Variants in KATNAL2 observed in about 807,000 individuals in gnomAD.
The protein encoded by KATNAL2 is katanin p60 ATPase-containing subunit A-like 2.
KATNAL2 carries 52 observed loss-of-function variants against 76.3 expected under a neutral mutation model. The observed-to-expected ratio is 0.68, with a 90% CI of 0.55 to 0.86. The LOEUF (loss-of-function observed/expected upper bound fraction) is 0.86. Among genes scored for constraint, KATNAL2 ranks in the 40% least tolerant of loss-of-function variants. The pLI is 0.00. For missense variants in KATNAL2, 660 were observed against 668.9 expected, an observed-to-expected ratio of 0.99 and a Z score of 0.15; for synonymous variants, 243 against 244.2, an observed-to-expected ratio of 1.00 and a Z score of 0.05.
chr18:46,932,869 A>C (rs375234684), intron 1 of KATNAL2, among the ~76,000 whole-genome samples: 1 of 151,520 alleles, frequency 6.6e-6, no homozygotes, highest in East Asian at 2.0e-4. Flanking sequence ...GGTTCAAGCG[A>C]TTCTCCTGCC....
intron 15 of KATNAL2, among the ~76,000 whole-genome samples, chr18:47,092,381 C>G (rs537893337): frequency 6.6e-6 from 1 of 152,246 alleles, no homozygotes; most frequent in South Asian, 2.1e-4. Context: ...CGCCTGTAAT[C>G]CCAGCTACTC....
At chr18:47,099,498 G>GGATCTTATTCTAAGTGTCTCA in intron 16 of KATNAL2, 93 bp downstream of exon 16, 1 of 1,230,880 alleles carries the variant, frequency 8.1e-7, no homozygotes, top group Non-Finnish European at 1.1e-6. Flanking sequence ...ATAGAAGCTT[G>GGATCTTATTCTAAGTGTCTCA]AGACACTTAG....
At chr18:47,046,791 A>T (rs2061171611) in intron 4 of KATNAL2, among the ~76,000 whole-genome samples, 1 of 152,132 alleles carries the variant, frequency 6.6e-6, no homozygotes, top group Admixed American at 6.5e-5. Context: ...ACATTAGGGT[A>T]TACTCTTTGT....
chr18:47,032,338 C>A (rs1224293166), intron 3 of KATNAL2, among the ~76,000 whole-genome samples: 1 of 152,200 alleles, frequency 6.6e-6, no homozygotes, highest in Non-Finnish European at 1.5e-5. Flanking sequence ...CCTCTACTTG[C>A]CCAGCTCAGG....
intron 15 of KATNAL2, among the ~76,000 whole-genome samples, chr18:47,085,193 C>G (rs547616356): frequency 2.0e-5 from 3 of 152,182 alleles, no homozygotes; most frequent in Admixed American, 6.5e-5. Context: ...GAGTCCCCAG[C>G]AATGTCCTCA....
rs896344548 is a variant in KATNAL2, at chr18:47,100,164, G to C, written c.1375-90G>C. The C allele has an allele frequency of 2.0e-5, 17 of 830,054 alleles. No homozygotes were observed. In the African/African-American group the frequency reaches 2.5e-4, roughly 12 times the overall value. 51.4% of individuals were successfully genotyped at this position (830,054 alleles called of 1,614,324 possible). ...GGGTGACAGATACAGAATCTACACAGGGCTTCTGATACTGGGTCCTGCCTA... is the reference window on the plus strand; with the variant it reads ...GGGTGACAGATACAGAATCTACACACGGCTTCTGATACTGGGTCCTGCCTA... On this transcript the variant is annotated intron_variant, in intron 16 of 17. Coordinates refer to ENST00000683218, the MANE Select transcript of KATNAL2 (RefSeq NM_001387690.1).
intron 14 of KATNAL2, 115 bp downstream of exon 14, chr18:47,075,483 A>G (rs2062174010): frequency 1.6e-6 from 1 of 643,430 alleles, no homozygotes; most frequent in African/African-American, 1.9e-5. Flanking sequence ...GAGCCCATTA[A>G]TAAGCCCACA....
chr18:47,055,002 C>T (rs1169661474), intron 6 of KATNAL2, among the ~76,000 whole-genome samples: 1 of 152,236 alleles, frequency 6.6e-6, no homozygotes, highest in Non-Finnish European at 1.5e-5. Context: ...ATTCCTTTCT[C>T]CAGCTTCTCA....
intron 14 of KATNAL2, 121 bp from the exon 15 acceptor site, chr18:47,077,230 C>A: frequency 2.9e-6 from 2 of 681,648 alleles, no homozygotes; most frequent in South Asian, 1.9e-5. Flanking sequence ...GTATGAACGG[C>A]TCCATTGGCC....
chr18:46,951,866 G>C (rs539962996), intron 3 of KATNAL2, among the ~76,000 whole-genome samples: 1 of 152,212 alleles, frequency 6.6e-6, no homozygotes, highest in African/African-American at 2.4e-5. Flanking sequence ...CACCTCCCGG[G>C]TTCAAGCTAT....
At chr18:46,937,270 C>T (rs1024385820) in intron 1 of KATNAL2, among the ~76,000 whole-genome samples, 4 of 152,054 alleles carry the variant, frequency 2.6e-5, no homozygotes, top group African/African-American at 9.7e-5. Flanking sequence ...CTACAAAATA[C>T]CTGTCCAGTA....
chr18:47,047,466 C>G (rs1237012236), intron 4 of KATNAL2, among the ~76,000 whole-genome samples: 1 of 152,130 alleles, frequency 6.6e-6, no homozygotes, highest in Non-Finnish European at 1.5e-5. Context: ...AAACCCAACT[C>G]TCTTCTTCCT....
At chr18:47,031,523 T>G (rs1299507363) in intron 3 of KATNAL2, among the ~76,000 whole-genome samples, 4 of 152,124 alleles carry the variant, frequency 2.6e-5, no homozygotes, top group Non-Finnish European at 4.4e-5. Context: ...GTGTTAAGCC[T>G]TTTCTTATAA....
chr18:47,062,079 G>T (rs2061650792), intron 8 of KATNAL2, among the ~76,000 whole-genome samples: 1 of 152,102 alleles, frequency 6.6e-6, no homozygotes, highest in Non-Finnish European at 1.5e-5. Flanking sequence ...TAACAGAAGT[G>T]TTATAAGAAT....
At chr18:47,058,453 T>A in intron 7 of KATNAL2, 101 bp downstream of exon 7, 1 of 688,422 alleles carries the variant, frequency 1.5e-6, no homozygotes, top group East Asian at 2.6e-5. Context: ...CCTACGCTTT[T>A]AAAATTGCTG....
intron 5 of KATNAL2, among the ~76,000 whole-genome samples, chr18:47,054,072 C>T (rs1290936165): frequency 6.6e-6 from 1 of 152,194 alleles, no homozygotes; most frequent in Non-Finnish European, 1.5e-5. Flanking sequence ...AAAATGGTGT[C>T]AAGTTCATGA....
At chr18:47,091,141 A>G (rs1179484018) in intron 15 of KATNAL2, 2 of 152,238 alleles carry the variant, frequency 1.3e-5, no homozygotes, top group East Asian at 1.9e-4. Flanking sequence ...CTGGTTTAAC[A>G]GTGGAGACAG....
intron 13 of KATNAL2, among the ~76,000 whole-genome samples, chr18:47,072,326 A>G (rs1391438222): frequency 6.6e-6 from 1 of 151,924 alleles, no homozygotes; most frequent in Non-Finnish European, 1.5e-5. Flanking sequence ...GGATACACAG[A>G]CTCCTGAGCC....
At chr18:46,940,588 T>G (rs2059219130) in intron 1 of KATNAL2, among the ~76,000 whole-genome samples, 1 of 152,210 alleles carries the variant, frequency 6.6e-6, no homozygotes, top group Non-Finnish European at 1.5e-5. Context: ...TTCTTGTCAT[T>G]CTTGAAAACT....
Sources: gnomAD v4.1 joint callset for allele counts (sites outside exome capture counted in the v4.1 genomes callset) on GRCh38, gnomAD v4.1.1 for gene constraint, MANE v1.5 for transcripts, NCBI Gene and HGNC (gene_info 2026-07-23, HGNC 2026-07-21) for gene names.